The following TTC39C variants were observed in gnomAD, a reference collection of about 807,000 sequenced individuals.
TTC39C encodes the protein tetratricopeptide repeat domain 39C.
In TTC39C, 33 loss-of-function variants were observed where a neutral mutation model predicts 76.3. The ratio of observed to expected loss-of-function variants is 0.43; its 90% CI spans 0.33 to 0.58. The LOEUF is 0.58. TTC39C is among the 20% of genes least tolerant of loss of function. TTC39C has a pLI of 0.04. For missense variants in TTC39C, 595 were observed against 701.4 expected (o/e 0.85, Z 1.71); for synonymous variants, 254 against 260.6 (o/e 0.97, Z 0.24).
At chr18:24,101,471 A>T (rs1186760969) in intron 6 of TTC39C, among the ~76,000 whole-genome samples, 2 of 152,076 alleles carry the variant, frequency 1.3e-5, no homozygotes, top group Non-Finnish European at 2.9e-5. Context: ...AGGCAGGAGA[A>T]TCGCTTGAAC....
chr18:24,044,353 C>T (rs1244307092), intron 1 of TTC39C, among the ~76,000 whole-genome samples: 1 of 152,172 alleles, frequency 6.6e-6, no homozygotes, highest in Non-Finnish European at 1.5e-5. Context: ...AGAAGCCATG[C>T]TAGCGAAGGC....
rs117262435 is a variant in TTC39C at position 24,021,725 on chromosome 18, T to C, written c.167+6687T>C. 5.5e-3 allele frequency among the ~76,000 whole-genome samples: 836 copies of C among 152,268 alleles called. 2 individuals carry two copies. Among genetic ancestry groups the C allele is most frequent in the Non-Finnish European group, 8.2e-3 (559 of 68,008 alleles). ...GCACCACCCTTTTCCCTAGCTGAGG[T>C]TGCTTTCTCCATCTCTTCCTTCTTG... is the stretch of plus-strand genomic sequence containing the variant. On this transcript the variant is annotated intron_variant, in intron 1 of 13. Transcript: ENST00000317571.
intron 1 of TTC39C, among the ~76,000 whole-genome samples, chr18:24,048,496 C>T (rs1361788806): frequency 6.6e-6 from 1 of 152,080 alleles, no homozygotes; most frequent in Non-Finnish European, 1.5e-5. Flanking sequence ...GCCAGTTATG[C>T]CTGTATGAGT....
At chr18:24,067,347 T>C (rs2084178664) in intron 3 of TTC39C, among the ~76,000 whole-genome samples, 1 of 152,206 alleles carries the variant, frequency 6.6e-6, no homozygotes, top group Non-Finnish European at 1.5e-5. Flanking sequence ...ACTATCCCAC[T>C]TGTCTAAGAC....
intron 6 of TTC39C, among the ~76,000 whole-genome samples, chr18:24,104,207 T>C (rs759570138): frequency 7.2e-5 from 11 of 152,150 alleles, no homozygotes; most frequent in Admixed American, 4.6e-4. Context: ...GCTGGGTTTA[T>C]AGGCATGAGC....
chr18:24,083,045 C>CT lies in TTC39C; in HGVS notation c.951dup (p.Met318TyrfsTer41). 1 of 1,614,100 alleles carries CT rather than the reference C, an allele frequency of 6.2e-7. No individual in the cohort carries two copies. Among genetic ancestry groups the CT allele is most frequent in the East Asian group, 2.2e-5 (1 of 44,874 alleles). Reference sequence around the variant, plus strand: ...AAGCTGCTTATCCAAATTCTTCCCTCTTTATGTTTTTCAAGGGACGGATAC... The same window carrying CT: ...AAGCTGCTTATCCAAATTCTTCCCTCTTTTATGTTTTTCAAGGGACGGATAC... On this transcript the variant is annotated frameshift_variant, in exon 6 of 14. Transcript: ENST00000317571. LOFTEE classifies it high-confidence loss of function.
chr18:24,055,440 G>A (rs1486518594), intron 1 of TTC39C, among the ~76,000 whole-genome samples: 1 of 152,146 alleles, frequency 6.6e-6, no homozygotes, highest in East Asian at 1.9e-4. Flanking sequence ...TGGGTGTGAG[G>A]TGGTGTCTCA....
At chr18:24,027,543 C>G (rs2083614223) in intron 1 of TTC39C, among the ~76,000 whole-genome samples, 1 of 150,888 alleles carries the variant, frequency 6.6e-6, no homozygotes, top group Non-Finnish European at 1.5e-5. Flanking sequence ...ATCAGCTGCA[C>G]ACATCTCTGA....
At chr18:24,021,327 C>T (rs1222039918) in intron 1 of TTC39C, among the ~76,000 whole-genome samples, 1 of 152,132 alleles carries the variant, frequency 6.6e-6, no homozygotes, top group Non-Finnish European at 1.5e-5. Context: ...TTCGCGAGGC[C>T]GCTGCTCATT....
intron 6 of TTC39C, among the ~76,000 whole-genome samples, chr18:24,110,849 T>G (rs2084799772): frequency 6.6e-6 from 1 of 152,222 alleles, no homozygotes; most frequent in African/African-American, 2.4e-5. Context: ...TGTTTCTCAT[T>G]TTACTAGTGA....
chr18:24,104,307 C>G (rs1254842851), intron 6 of TTC39C, among the ~76,000 whole-genome samples: 1 of 152,190 alleles, frequency 6.6e-6, no homozygotes. Flanking sequence ...GTCTCCTTGC[C>G]CACCAGCTAT....
At chr18:24,106,745 C>T (rs1237343933) in intron 6 of TTC39C, among the ~76,000 whole-genome samples, 1 of 152,186 alleles carries the variant, frequency 6.6e-6, no homozygotes, top group South Asian at 2.1e-4. Flanking sequence ...AGTGCAGTGG[C>T]ACTATCTTGG....
In TTC39C at chr18:24,099,324, G is replaced by A. The variant is rs1335337942; in HGVS notation, c.985-15230G>A. 7.9e-5 allele frequency: 12 copies of A among 151,782 alleles called. No homozygotes were observed. In the East Asian group the frequency reaches 2.3e-3, roughly 29 times the overall value. 9.4% of individuals were successfully genotyped at this position (151,782 alleles called of 1,614,324 possible). On this transcript the variant is annotated intron_variant, in intron 6 of 13. Transcript: ENST00000317571. ...GCTTCTCACTGTGTCCTCAGATGGT[G>A]GAAAGGGGGCTAGAGAGCACTCAGG...
chr18:24,034,396 TA>T (rs2083708998), intron 1 of TTC39C, among the ~76,000 whole-genome samples: 1 of 152,372 alleles, frequency 6.6e-6, no homozygotes, highest in Admixed American at 6.5e-5. Flanking sequence ...GTTTGTAAAA[TA>T]AATGTTTTGC....
chr18:24,020,408 G>A (rs905897906), intron 1 of TTC39C: 2 of 677,740 alleles, frequency 3.0e-6, no homozygotes, highest in Non-Finnish European at 3.6e-6. Flanking sequence ...GTGTACAAGT[G>A]TACAAGAAAC....
intron 1 of TTC39C, among the ~76,000 whole-genome samples, chr18:24,021,777 A>T (rs1300265278): frequency 6.6e-6 from 1 of 152,176 alleles, no homozygotes; most frequent in Non-Finnish European, 1.5e-5. Flanking sequence ...CACAAGAAAT[A>T]TGCCTACATA....
At chr18:24,020,484 T>G (rs1265602453) in intron 1 of TTC39C, among the ~76,000 whole-genome samples, 1 of 152,232 alleles carries the variant, frequency 6.6e-6, no homozygotes, top group Non-Finnish European at 1.5e-5. Context: ...AAGTCACATA[T>G]GTAGTTATCC....
intron 1 of TTC39C, among the ~76,000 whole-genome samples, chr18:24,016,958 C>A (rs1375031385): frequency 6.6e-6 from 1 of 152,164 alleles, no homozygotes; most frequent in Non-Finnish European, 1.5e-5. Context: ...TAACGAGGGA[C>A]ATGAGACTTA....
intron 6 of TTC39C, among the ~76,000 whole-genome samples, chr18:24,109,609 A>G (rs1233152214): frequency 2.0e-5 from 3 of 152,252 alleles, no homozygotes; most frequent in Non-Finnish European, 2.9e-5. Context: ...GAGCACAGGA[A>G]ATATGAAAAT....
Sources: allele counts gnomAD v4.1 joint callset (sites outside exome capture counted in the v4.1 genomes callset), GRCh38; gene constraint gnomAD v4.1.1; transcripts MANE v1.5; gene names NCBI Gene and HGNC (gene_info 2026-07-23, HGNC 2026-07-21).